CALN1: variants seen among roughly 807,000 people sequenced by gnomAD.
The protein encoded by CALN1 is calcium-binding protein 8.
A neutral mutation model predicts 30.6 loss-of-function variants in CALN1; 17 were observed. That is an observed-to-expected ratio of 0.56 (90% CI 0.38 to 0.83). The LOEUF (loss-of-function observed/expected upper bound fraction) is 0.83. Among genes scored for constraint, CALN1 ranks in the 40% least tolerant of loss-of-function variants. The probability of loss-of-function intolerance (pLI) is 0.00; values close to 1 mark genes in which losing one functional copy is unlikely to be tolerated. For missense variants in CALN1, 291 were observed against 354.9 expected, an observed-to-expected ratio of 0.82 and a Z score of 1.45; for synonymous variants, 156 against 131.4, an observed-to-expected ratio of 1.19 and a Z score of -1.28.
the CALN1 span, among the ~76,000 whole-genome samples, chr7:72,471,082 G>A: frequency 1.3e-5 from 2 of 152,124 alleles, no homozygotes; most frequent in Admixed American, 6.5e-5. Context: ...AGCCTCCCAA[G>A]TAGCTAGAAC....
intron 2 of CALN1, among the ~76,000 whole-genome samples, chr7:72,320,404 G>T (rs550781376): frequency 2.0e-5 from 3 of 152,120 alleles, no homozygotes; most frequent in Admixed American, 6.5e-5. Context: ...ACATGCTCCC[G>T]GAGTGGCTCT....
At position 72,033,214 on chromosome 7, in the gene CALN1, G is replaced by C. The variant is rs567766798; in HGVS notation, c.389-9445C>G. Among the ~76,000 whole-genome samples the C allele has an allele frequency of 6.6e-5, 10 of 152,294 alleles. No homozygotes were observed. In the South Asian group the frequency reaches 1.9e-3, roughly 28 times the overall value. ...TGAACTAGGGCAGGAAGCTGCAGGA[G>C]TGCCAGGACTGTACAACATTCATTA... On this transcript the variant is annotated intron_variant, in intron 4 of 6. Transcript: ENST00000395275.
chr7:72,064,940 C>CCA (rs1803911383), intron 4 of CALN1, among the ~76,000 whole-genome samples: 1 of 151,640 alleles, frequency 6.6e-6, no homozygotes, highest in Non-Finnish European at 1.5e-5. Context: ...GGCTCTAGGA[C>CCA]CACTTCTGTG....
chr7:71,823,730 T>TA (rs11441202), intron 5 of CALN1, among the ~76,000 whole-genome samples: 54,447 of 147,772 alleles, frequency 0.37, 10,735 homozygotes, highest in East Asian at 0.79. Flanking sequence ...AAAAGAAAAA[T>TA]AAAAAAAATT....
intron 4 of CALN1, among the ~76,000 whole-genome samples, chr7:72,082,798 G>T (rs908588252): frequency 6.6e-6 from 1 of 152,202 alleles, no homozygotes; most frequent in Non-Finnish European, 1.5e-5. Flanking sequence ...TGACTCCAGT[G>T]CCTGGCAGGA....
At chr7:72,470,036 G>A in the CALN1 span, among the ~76,000 whole-genome samples, 2 of 152,128 alleles carry the variant, frequency 1.3e-5, no homozygotes, top group Admixed American at 1.3e-4. Context: ...GGGGCATAAA[G>A]CAGTGAAAAG....
At chr7:71,843,377 G>A (rs1790051862) in intron 5 of CALN1, among the ~76,000 whole-genome samples, 1 of 152,092 alleles carries the variant, frequency 6.6e-6, no homozygotes. Flanking sequence ...CTAGCGCCTT[G>A]GGAGGCTGAG....
At chr7:71,935,953 C>A (rs767943153) in intron 5 of CALN1, among the ~76,000 whole-genome samples, 1 of 152,068 alleles carries the variant, frequency 6.6e-6, no homozygotes, top group Non-Finnish European at 1.5e-5. Context: ...GCAGTGCAGG[C>A]AAGGAGGGAG....
chr7:71,970,187 T>C (rs1023933721), intron 5 of CALN1, among the ~76,000 whole-genome samples: 5 of 152,082 alleles, frequency 3.3e-5, no homozygotes, highest in African/African-American at 9.7e-5. Flanking sequence ...ACAGATACAA[T>C]GTACTGTCCG....
intron 1 of CALN1, among the ~76,000 whole-genome samples, chr7:72,406,906 G>A (rs918970154): frequency 2.0e-5 from 3 of 152,002 alleles, no homozygotes; most frequent in Non-Finnish European, 2.9e-5. Context: ...ATGAGCCACC[G>A]CGCCAGCCCC....
chr7:71,853,831 C>T (rs1790787244), intron 5 of CALN1, among the ~76,000 whole-genome samples: 1 of 152,174 alleles, frequency 6.6e-6, no homozygotes, highest in African/African-American at 2.4e-5. Flanking sequence ...CCGCCCACCT[C>T]GGCGTTCCAA....
the CALN1 span, among the ~76,000 whole-genome samples, chr7:72,470,684 AAAT>A: frequency 6.6e-6 from 1 of 152,196 alleles, no homozygotes; most frequent in Non-Finnish European, 1.5e-5. Context: ...CAATAAAATA[AAAT>A]AATAAAATAT....
chr7:71,920,185 G>T lies in CALN1; in HGVS notation c.501+103472C>A, dbSNP rs150449867. On this transcript the variant is annotated intron_variant, in intron 5 of 6. Coordinates refer to ENST00000395275, the MANE Select transcript of CALN1 (RefSeq NM_031468.4). ...TCCAAGGAAGAGTTTTGGAAACACC[G>T]GTCTGTATCTGTAACCTGCTCTTTA... 3.3e-3 allele frequency among the ~76,000 whole-genome samples: 504 copies of T among 152,216 alleles called. 3 individuals carry two copies. The highest frequency in any genetic ancestry group is 0.011 in the African/African-American group (463 of 41,552).
At chr7:72,330,566 A>G (rs575279025) in intron 2 of CALN1, among the ~76,000 whole-genome samples, 3 of 151,788 alleles carry the variant, frequency 2.0e-5, no homozygotes, top group East Asian at 1.9e-4. Flanking sequence ...TTTTATTTCC[A>G]TATTTTTTAT....
chr7:72,034,844 C>CG (rs1801694974), intron 4 of CALN1, among the ~76,000 whole-genome samples: 1 of 149,348 alleles, frequency 6.7e-6, no homozygotes, highest in African/African-American at 2.5e-5. Flanking sequence ...TAGGAAGATC[C>CG]CTAAGATCTT....
intron 3 of CALN1, among the ~76,000 whole-genome samples, chr7:72,191,714 T>C (rs1002066718): frequency 6.6e-6 from 1 of 152,074 alleles, no homozygotes; most frequent in Admixed American, 6.6e-5. Context: ...CCATCACAAA[T>C]TCCCACAGAC....
upstream of CALN1, among the ~76,000 whole-genome samples, chr7:72,416,748 A>C (rs1291786836): frequency 2.7e-5 from 4 of 150,900 alleles, no homozygotes; most frequent in East Asian, 7.8e-4. Flanking sequence ...AAAAAAAAAA[A>C]AAAAAAAAAA....
At chr7:72,209,048 T>C (rs1315447290) in intron 3 of CALN1, among the ~76,000 whole-genome samples, 2 of 63,298 alleles carry the variant, frequency 3.2e-5, no homozygotes, top group East Asian at 1.1e-3. Context: ...CTCTCTCCTT[T>C]TTCTCCTTCC....
At chr7:72,346,710 C>CT (rs1802659689) in intron 2 of CALN1, among the ~76,000 whole-genome samples, 1 of 151,938 alleles carries the variant, frequency 6.6e-6, no homozygotes, top group South Asian at 2.1e-4. Flanking sequence ...AGAGACGGGG[C>CT]TTCACATGTT....
Sources: allele counts gnomAD v4.1 joint callset (sites outside exome capture counted in the v4.1 genomes callset), GRCh38; gene constraint gnomAD v4.1.1; transcripts MANE v1.5; gene names NCBI Gene and HGNC (gene_info 2026-07-23, HGNC 2026-07-21).